PITPNC1: variants seen among roughly 807,000 people sequenced by gnomAD.
The protein encoded by PITPNC1 is cytoplasmic phosphatidylinositol transfer protein 1.
In PITPNC1, 18 loss-of-function variants were observed where a neutral mutation model predicts 44.7. The observed-to-expected ratio is 0.40, with a 90% CI of 0.28 to 0.60. PITPNC1 has a LOEUF of 0.60. Ranked by LOEUF, PITPNC1 falls within the 20% of genes least tolerant of loss-of-function variation. The pLI is 0.39. For synonymous variants in PITPNC1, 141 were observed against 149.6 expected (o/e 0.94, Z 0.42); for missense variants, 290 against 418.4 (o/e 0.69, Z 2.68).
chr17:67,535,336 G>A (rs544578315), intron 2 of PITPNC1, among the ~76,000 whole-genome samples: 17 of 152,276 alleles, frequency 1.1e-4, no homozygotes, highest in Non-Finnish European at 2.2e-4. Flanking sequence ...GTTTCTCCTC[G>A]GGGATCACCT....
intron 2 of PITPNC1, among the ~76,000 whole-genome samples, chr17:67,543,371 A>G (rs1482729723): frequency 6.6e-6 from 1 of 152,216 alleles, no homozygotes; most frequent in African/African-American, 2.4e-5. Context: ...CTACCAGTGA[A>G]TGGGAGAAAG....
At chr17:67,441,016 C>G (rs1330422389) in intron 1 of PITPNC1, among the ~76,000 whole-genome samples, 1 of 152,132 alleles carries the variant, frequency 6.6e-6, no homozygotes, top group African/African-American at 2.4e-5. Flanking sequence ...CTAAGTGTAT[C>G]AGTCTTGGGT....
chr17:67,425,930 A>C (rs1012286042), intron 1 of PITPNC1, among the ~76,000 whole-genome samples: 1 of 152,200 alleles, frequency 6.6e-6, no homozygotes, highest in African/African-American at 2.4e-5. Flanking sequence ...GCTCAAAAGC[A>C]ACCATAGACA....
intron 4 of PITPNC1, 186 bp from the exon 5 acceptor site, chr17:67,578,000 A>G (rs2041173130): frequency 1.6e-6 from 1 of 643,368 alleles, no homozygotes. Flanking sequence ...GTCTGGATGA[A>G]ACTGTGTTCA....
chr17:67,600,596 T>A (rs1181635915), intron 5 of PITPNC1, among the ~76,000 whole-genome samples: 4 of 152,084 alleles, frequency 2.6e-5, no homozygotes, highest in Non-Finnish European at 5.9e-5. Context: ...ACTGAAGAGA[T>A]AATTAGTGAA....
At chr17:67,381,946 G>A (rs1221512680) in intron 1 of PITPNC1, among the ~76,000 whole-genome samples, 1 of 152,148 alleles carries the variant, frequency 6.6e-6, no homozygotes, top group Non-Finnish European at 1.5e-5. Context: ...GCACTGGTGT[G>A]TTATTATCTA....
chr17:67,389,056 G>A (rs999762668), intron 1 of PITPNC1, among the ~76,000 whole-genome samples: 7 of 152,214 alleles, frequency 4.6e-5, no homozygotes, highest in African/African-American at 1.7e-4. Flanking sequence ...TGACATCAAG[G>A]CGTCAGTCAG....
intron 1 of PITPNC1, among the ~76,000 whole-genome samples, chr17:67,500,451 C>G (rs1221774947): frequency 6.6e-6 from 1 of 152,100 alleles, no homozygotes; most frequent in Admixed American, 6.6e-5. Flanking sequence ...AGGATAGGCA[C>G]AGAAAGTTGA....
intron 1 of PITPNC1, among the ~76,000 whole-genome samples, chr17:67,425,129 G>A (rs955796908): frequency 2.7e-5 from 4 of 150,230 alleles, no homozygotes; most frequent in East Asian, 2.0e-4. Flanking sequence ...ACCACACTTC[G>A]CTGACTCTTT....
chr17:67,383,103 C>A (rs1325091071), intron 1 of PITPNC1, among the ~76,000 whole-genome samples: 1 of 151,942 alleles, frequency 6.6e-6, no homozygotes, highest in Non-Finnish European at 1.5e-5. Flanking sequence ...TCAAGAGATT[C>A]TCCTGCCTCA....
At chr17:67,539,253 G>A (rs2040571100) in intron 2 of PITPNC1, among the ~76,000 whole-genome samples, 1 of 152,144 alleles carries the variant, frequency 6.6e-6, no homozygotes, top group African/African-American at 2.4e-5. Flanking sequence ...GAGAGCAATG[G>A]ACAGCAACTG....
chr17:67,635,534 A>C (rs2042022569), intron 6 of PITPNC1, among the ~76,000 whole-genome samples: 1 of 152,270 alleles, frequency 6.6e-6, no homozygotes, highest in African/African-American at 2.4e-5. Context: ...TAGGTGAGAG[A>C]TCTGGGAGAC....
rs1435726314 is a variant in PITPNC1, at chr17:67,696,282, C to T, written c.*3394C>T. 2.6e-5 allele frequency: 4 copies of T among 152,104 alleles called. No individual in the cohort carries two copies. The highest frequency in any genetic ancestry group is 4.4e-5 in the Non-Finnish European group (3 of 68,026). 9.4% of individuals were successfully genotyped at this position (152,104 alleles called of 1,614,324 possible). A position where few individuals can be genotyped will look rare whatever the true frequency, so the allele number is the denominator to read the frequency against. On this transcript the variant is annotated 3_prime_UTR_variant, in exon 9 of 9. Coordinates refer to ENST00000581322, the MANE Select transcript of PITPNC1 (RefSeq NM_012417.4). ...TAAGAGAATAGATTCTGATACATCT[C>T]GATAAATCATTCTCTGCAAAAGTTT...
At chr17:67,378,780 C>T (rs1278816104) in intron 1 of PITPNC1, among the ~76,000 whole-genome samples, 2 of 152,208 alleles carry the variant, frequency 1.3e-5, no homozygotes, top group African/African-American at 2.4e-5. Context: ...GCTCGGGACC[C>T]GGCTGTGTCC....
chr17:67,647,464 G>GTTTTTTTTTTTTTTTTT (rs60407940), intron 6 of PITPNC1, among the ~76,000 whole-genome samples: 10 of 72,324 alleles, frequency 1.4e-4, no homozygotes, highest in African/African-American at 4.5e-4. Context: ...CTAATTTTGG[G>GTTTTTTTTTTTTTTTTT]TTTTTTTTTT....
chr17:67,445,079 A>G (rs2039076587), intron 1 of PITPNC1, among the ~76,000 whole-genome samples: 1 of 151,900 alleles, frequency 6.6e-6, no homozygotes, highest in African/African-American at 2.4e-5. Flanking sequence ...TTTTAGGGGA[A>G]TTCAATGAGC....
At chr17:67,603,269 G>A (rs28417218) in intron 5 of PITPNC1, among the ~76,000 whole-genome samples, 2 of 151,726 alleles carry the variant, frequency 1.3e-5, no homozygotes, top group Admixed American at 1.3e-4. Flanking sequence ...GGCAAAGAGG[G>A]TATAGATTAG....
chr17:67,415,713 A>AT (rs1314687337), intron 1 of PITPNC1, among the ~76,000 whole-genome samples: 2 of 151,962 alleles, frequency 1.3e-5, no homozygotes, highest in South Asian at 4.2e-4. Context: ...AAAATGTTAC[A>AT]TTTTTTTTGG....
At chr17:67,651,904 C>G (rs1006146245) in intron 6 of PITPNC1, among the ~76,000 whole-genome samples, 2 of 152,150 alleles carry the variant, frequency 1.3e-5, no homozygotes, top group Non-Finnish European at 2.9e-5. Context: ...CAGGGCTAAA[C>G]TTTACTTTCA....
Sources: allele counts gnomAD v4.1 joint callset (sites outside exome capture counted in the v4.1 genomes callset), GRCh38; gene constraint gnomAD v4.1.1; transcripts MANE v1.5; gene names NCBI Gene and HGNC (gene_info 2026-07-23, HGNC 2026-07-21).